Variants in EXOC4 observed in about 807,000 individuals in gnomAD.
The protein encoded by EXOC4 is SEC8-like 1.
Under a neutral mutation model 107.2 loss-of-function variants are expected in EXOC4, and 71 were observed. That is an observed-to-expected ratio of 0.66 (90% CI 0.55 to 0.81). The LOEUF is 0.81. EXOC4 is among the 30% of genes least tolerant of loss of function. The pLI, the probability that EXOC4 is intolerant of heterozygous loss-of-function variation, is 0.00. For missense variants in EXOC4, 1,108 were observed against 1,189.6 expected (o/e 0.93, Z 1.01); for synonymous variants, 456 against 441.2 (o/e 1.03, Z -0.42).
intron 10 of EXOC4, among the ~76,000 whole-genome samples, chr7:133,713,877 A>C (rs1231894836): frequency 2.0e-5 from 3 of 151,910 alleles, no homozygotes; most frequent in Non-Finnish European, 4.4e-5. Flanking sequence ...AGCCAATTAA[A>C]CCTCTTTCCT....
chr7:133,964,274 A>G (rs1416599304), intron 14 of EXOC4, among the ~76,000 whole-genome samples: 1 of 152,130 alleles, frequency 6.6e-6, no homozygotes, highest in Non-Finnish European at 1.5e-5. Flanking sequence ...TTATATTGCA[A>G]AACAAAGCCA....
intron 9 of EXOC4, among the ~76,000 whole-genome samples, chr7:133,567,692 A>C (rs985815923): frequency 3.9e-5 from 6 of 152,186 alleles, no homozygotes; most frequent in African/African-American, 1.4e-4. Flanking sequence ...GCTTCTAGAG[A>C]CTGGAAAGTC....
chr7:134,100,359 G>A, the EXOC4 span, among the ~76,000 whole-genome samples: 2 of 99,020 alleles, frequency 2.0e-5, no homozygotes, highest in African/African-American at 3.2e-5. Context: ...TGAACTCCTC[G>A]CCTCCAGAAC....
rs1800870129 is a variant in EXOC4, at chr7:133,564,518, C to T, written c.1418-65527C>T. On this transcript the variant is annotated intron_variant, in intron 9 of 17. Transcript: ENST00000253861. The stretch of plus-strand genomic sequence containing the variant: ...AATTCAAGCTCCTATTTTTTTTGTT[C>T]TCCTTCTCCACTTATTTTAAATTGG... 2.6e-5 allele frequency among the ~76,000 whole-genome samples: 4 copies of T among 151,942 alleles called. No individual in the cohort carries two copies. The South Asian group carries it at 8.3e-4, about 32-fold the overall frequency.
intron 3 of EXOC4, among the ~76,000 whole-genome samples, chr7:133,299,275 C>A (rs1218831254): frequency 1.3e-5 from 2 of 151,768 alleles, no homozygotes; most frequent in Non-Finnish European, 2.9e-5. Flanking sequence ...AGGGTGGGAC[C>A]CCAGTCTTGA....
intron 3 of EXOC4, among the ~76,000 whole-genome samples, chr7:133,291,877 T>G (rs887514151): frequency 3.9e-5 from 6 of 152,204 alleles, no homozygotes; most frequent in African/African-American, 1.4e-4. Flanking sequence ...TGATTCATGA[T>G]GCTATTTTGG....
Position 134,064,604 on chromosome 7 carries a change from T to G in EXOC4, c.*76T>G. On this transcript the variant is annotated 3_prime_UTR_variant, in exon 18 of 18. Transcript: ENST00000253861. ...TTTCCTTGGTATGTTATTGAGTATA[T>G]TCTGAGCTTAGTTTTCTCTACAGTG... The G allele has an allele frequency of 1.0e-6, 1 of 983,066 alleles. No homozygotes were observed. Among genetic ancestry groups the G allele is most frequent in the Non-Finnish European group, 1.5e-6 (1 of 671,368 alleles). The allele number at this position is 983,066 out of a possible 1,614,324, so 60.9% of individuals were successfully genotyped here.
At chr7:133,647,282 G>A (rs1295910409) in intron 10 of EXOC4, among the ~76,000 whole-genome samples, 2 of 152,094 alleles carry the variant, frequency 1.3e-5, no homozygotes, top group Non-Finnish European at 2.9e-5. Flanking sequence ...TTATGTAAGG[G>A]TACATTCTGG....
chr7:133,926,065 GAA>G (rs1800045651), intron 13 of EXOC4, among the ~76,000 whole-genome samples: 1 of 141,726 alleles, frequency 7.1e-6, no homozygotes, highest in Admixed American at 6.9e-5. Flanking sequence ...AAAAAAAGAA[GAA>G]AAGAACTAAG....
intron 10 of EXOC4, among the ~76,000 whole-genome samples, chr7:133,755,233 T>A (rs1224931691): frequency 9.0e-6 from 1 of 110,880 alleles, no homozygotes; most frequent in African/African-American, 3.8e-5. Flanking sequence ...TATATATATA[T>A]AATATATATA....
chr7:133,339,768 A>C (rs1363823463), intron 5 of EXOC4, among the ~76,000 whole-genome samples: 1 of 152,114 alleles, frequency 6.6e-6, no homozygotes, highest in Non-Finnish European at 1.5e-5. Context: ...TTATTTTTGC[A>C]GTTATTGTAA....
chr7:133,696,674 A>T (rs1329257893), intron 10 of EXOC4, among the ~76,000 whole-genome samples: 1 of 152,222 alleles, frequency 6.6e-6, no homozygotes, highest in African/African-American at 2.4e-5. Context: ...TATTGACAAG[A>T]GAATAACATA....
At chr7:133,507,616 A>G (rs184133352) in intron 9 of EXOC4, among the ~76,000 whole-genome samples, 2 of 152,328 alleles carry the variant, frequency 1.3e-5, no homozygotes, top group African/African-American at 4.8e-5. Context: ...GGCCCAACAT[A>G]TATTTCCTGT....
chr7:133,710,913 G>A (rs199860260), intron 10 of EXOC4, among the ~76,000 whole-genome samples: 3 of 148,586 alleles, frequency 2.0e-5, no homozygotes, highest in African/African-American at 2.5e-5. Flanking sequence ...TTAACAGCCA[G>A]AAAAAAAAAA....
At chr7:133,655,552 A>T (rs2151039871) in intron 10 of EXOC4, among the ~76,000 whole-genome samples, 1 of 152,270 alleles carries the variant, frequency 6.6e-6, no homozygotes, top group Non-Finnish European at 1.5e-5. Context: ...TGTTTTGGAA[A>T]TTTTTTATTT....
Position 133,716,238 on chromosome 7 carries a change from G to A in EXOC4, c.1514+86097G>A, listed in dbSNP as rs530348340. Among the ~76,000 whole-genome samples, 5 of 152,250 alleles carry A rather than the reference G, an allele frequency of 3.3e-5. No homozygotes were observed. In the East Asian group the frequency reaches 9.6e-4, roughly 29 times the overall value. ...ATGTGCAGGGCACTACAGAGTGCTG[G>A]GCATGTAGCAATGAAAAGTTGACAT... On this transcript the variant is annotated intron_variant, in intron 10 of 17. Coordinates refer to ENST00000253861, the MANE Select transcript of EXOC4 (RefSeq NM_021807.4).
chr7:133,676,925 C>CTGTG (rs1491119664), intron 10 of EXOC4, among the ~76,000 whole-genome samples: 1 of 77,206 alleles, frequency 1.3e-5, no homozygotes, highest in African/African-American at 4.8e-5. Context: ...ATGTAGTAAA[C>CTGTG]TCTGTGTGTG....
At chr7:133,978,169 A>G (rs1793887851) in intron 14 of EXOC4, among the ~76,000 whole-genome samples, 1 of 152,204 alleles carries the variant, frequency 6.6e-6, no homozygotes, top group Non-Finnish European at 1.5e-5. Flanking sequence ...CCCTCCCGTT[A>G]CATGTCACTT....
intron 4 of EXOC4, among the ~76,000 whole-genome samples, chr7:133,309,051 A>G (rs1437406574): frequency 6.6e-6 from 1 of 152,120 alleles, no homozygotes; most frequent in Non-Finnish European, 1.5e-5. Context: ...GCCTTTCTTT[A>G]CTTTCTATCT....
Sources: gnomAD v4.1 joint callset for allele counts (sites outside exome capture counted in the v4.1 genomes callset) on GRCh38, gnomAD v4.1.1 for gene constraint, MANE v1.5 for transcripts, NCBI Gene and HGNC (gene_info 2026-07-23, HGNC 2026-07-21) for gene names.